NRG2: variants seen among roughly 807,000 people sequenced by gnomAD.
NRG2 encodes pro-neuregulin-2, membrane-bound isoform.
Under a neutral mutation model 73.9 loss-of-function variants are expected in NRG2, and 27 were observed. The observed-to-expected ratio is 0.37, with a 90% confidence interval of 0.27 to 0.50. NRG2 has a LOEUF of 0.50. Ranked by LOEUF, NRG2 falls within the 20% of genes least tolerant of loss-of-function variation. The pLI is 0.96. For missense variants in NRG2, 1,126 were observed against 1,210.1 expected, an observed-to-expected ratio of 0.93 and a Z score of 1.03; for synonymous variants, 532 against 541.0, an observed-to-expected ratio of 0.98 and a Z score of 0.23.
chr5:139,857,392 C>T (rs536841523), intron 5 of NRG2, among the ~76,000 whole-genome samples: 41 of 152,274 alleles, frequency 2.7e-4, no homozygotes, highest in Non-Finnish European at 3.2e-4. Flanking sequence ...GGCCCTCCAT[C>T]GAGTCTGCAC....
At chr5:139,858,300 C>T (rs1761932615) in intron 5 of NRG2, among the ~76,000 whole-genome samples, 1 of 152,166 alleles carries the variant, frequency 6.6e-6, no homozygotes, top group African/African-American at 2.4e-5. Context: ...TGCTGTGCCG[C>T]CCTCTGCAGG....
intron 1 of NRG2, among the ~76,000 whole-genome samples, chr5:139,920,847 A>G (rs1210137984): frequency 6.6e-6 from 1 of 152,242 alleles, no homozygotes; most frequent in Non-Finnish European, 1.5e-5. Flanking sequence ...CTTAACTACC[A>G]TCTTCTGAGG....
In NRG2 at chr5:140,012,241, G is replaced by A. The variant is rs369655488; in HGVS notation, c.700+30129C>T. Among the ~76,000 whole-genome samples the A allele has an allele frequency of 4.3e-3, 654 of 152,150 alleles. 6 individuals carry two copies. Among genetic ancestry groups the A allele is most frequent in the African/African-American group, 0.015 (613 of 41,470 alleles). Reference sequence around the variant, plus strand: ...CAGAAAGATTCTTCAATCCCAAGGCGGGGTTTAGGTATCCTTCACTTGTGC... The same window carrying A: ...CAGAAAGATTCTTCAATCCCAAGGCAGGGTTTAGGTATCCTTCACTTGTGC... On this transcript the variant is annotated intron_variant, in intron 1 of 9. Transcript: ENST00000361474.
In NRG2 at chr5:140,008,090, G is replaced by A. The variant is rs114437151; in HGVS notation, c.700+34280C>T. 0.014 allele frequency among the ~76,000 whole-genome samples: 2,072 copies of A among 152,320 alleles called. 46 individuals carry two copies. Among genetic ancestry groups the A allele is most frequent in the African/African-American group, 0.047 (1,968 of 41,574 alleles). On this transcript the variant is annotated intron_variant, in intron 1 of 9. Coordinates refer to ENST00000361474, the MANE Select transcript of NRG2 (RefSeq NM_004883.3). This position sits in a 1 kb window ranked among gnomAD's most constrained non-coding sequence, Gnocchi z 4.2. ...GTCATTTCACATGAGAACAGATGTG[G>A]GGAGCACCACACAGGAATGTGTTCC...
intron 1 of NRG2, among the ~76,000 whole-genome samples, chr5:139,959,180 T>G (rs1049262150): frequency 2.0e-5 from 3 of 148,184 alleles, no homozygotes; most frequent in African/African-American, 5.0e-5. Context: ...GACTTCCTTG[T>G]GTTTTGTTTG....
chr5:139,852,451 T>C lies in NRG2; in HGVS notation c.1525A>G (p.Thr509Ala). ...CSPSHHCSTATPTSSHRHESH... is the reference protein window; with the variant it reads ...CSPSHHCSTAAPTSSHRHESH... Reference sequence around the variant, plus strand: ...GCCTACCTGTGGCTGGAGGTGGGTGTGGCTGTGGAGCAGTGGTGAGAAGGA... The same window carrying C: ...GCCTACCTGTGGCTGGAGGTGGGTGCGGCTGTGGAGCAGTGGTGAGAAGGA... Residue 509 changes from threonine (T) to alanine (A), a missense_variant, in exon 8 of 10, where the codon ACA becomes GCA. Around this residue, in one of 3 missense-constraint regions of NRG2, gnomAD observed 539 missense variants for 703.2 expected, o/e 0.77. Coordinates refer to ENST00000361474, the MANE Select transcript of NRG2 (RefSeq NM_004883.3). The surrounding 1 kb of genome is among the most constrained non-coding windows in gnomAD (Gnocchi z 4.4). 2 of 1,613,736 alleles carry C rather than the reference T, an allele frequency of 1.2e-6. No individual in the cohort carries two copies. Among genetic ancestry groups the C allele is most frequent in the Non-Finnish European group, 1.7e-6 (2 of 1,179,906 alleles).
intron 1 of NRG2, among the ~76,000 whole-genome samples, chr5:139,940,715 TAGA>T (rs1181283534): frequency 6.6e-6 from 1 of 152,180 alleles, no homozygotes; most frequent in East Asian, 1.9e-4. Context: ...AGAATATCTC[TAGA>T]AGGATACCCA....
At position 139,848,479 on chromosome 5, in the gene NRG2, G is replaced by T. The variant is rs536701722; in HGVS notation, c.1991C>A (p.Pro664His). 2 of 1,339,316 alleles carry T rather than the reference G, an allele frequency of 1.5e-6. No individual in the cohort carries two copies. The highest frequency in any genetic ancestry group is 1.9e-6 in the Non-Finnish European group (2 of 1,060,174). The allele number at this position is 1,339,316 out of a possible 1,614,324, so 83.0% of individuals were successfully genotyped here. ...PGPGPGPGPG[P>H]GPGADMQRSY... ...GCGCTGCATGTCTGCGCCGGGCCCG[G>T]GCCCGGGCCCGGGTCCGGGTCCCGG... Residue 664 changes from proline to histidine, a missense_variant, in exon 10 of 10, where the codon CCC becomes CAC. This residue lies in a region of NRG2 where 402 missense variants were observed against 357.8 expected (regional missense o/e 1.12). Transcript: ENST00000361474.
chr5:139,861,374 C>T (rs184984769), intron 5 of NRG2, among the ~76,000 whole-genome samples: 141 of 152,338 alleles, frequency 9.3e-4, no homozygotes, highest in Non-Finnish European at 1.5e-3. Context: ...CATCCCTGGA[C>T]CTCTCATCTA....
intron 1 of NRG2, among the ~76,000 whole-genome samples, chr5:139,996,600 T>C (rs551424676): frequency 3.3e-5 from 5 of 152,298 alleles, no homozygotes; most frequent in South Asian, 2.1e-4. Flanking sequence ...CAAGAAGGCT[T>C]CTCTTAACCA....
intron 3 of NRG2, among the ~76,000 whole-genome samples, chr5:139,879,603 C>T (rs1763397933): frequency 1.3e-5 from 2 of 152,166 alleles, no homozygotes; most frequent in Admixed American, 1.3e-4. Context: ...CTGGAAAGAT[C>T]ATTTAGGCCA....
chr5:139,938,890 A>G (rs62383902), intron 1 of NRG2, among the ~76,000 whole-genome samples: 1,226 of 71,548 alleles, frequency 0.017, 7 homozygotes, highest in South Asian at 0.069. Flanking sequence ...GAAGGAAAGA[A>G]AGAAAGAAAG....
rs1372427414 is a variant in NRG2 at position 139,915,910 on chromosome 5, T to C, written c.701-28399A>G. Among the ~76,000 whole-genome samples, 1 of 152,084 alleles carries C rather than the reference T, an allele frequency of 6.6e-6. No individual in the cohort carries two copies. Among genetic ancestry groups the C allele is most frequent in the Non-Finnish European group, 1.5e-5 (1 of 68,020 alleles). ...GATGAATATTACATTTTGACTGACA[T>C]GTAGGAAGTCATGGAGATAAGGCTA... is the stretch of plus-strand genomic sequence containing the variant. On this transcript the variant is annotated intron_variant, in intron 1 of 9. Transcript: ENST00000361474. The surrounding 1 kb of genome is among the most constrained non-coding windows in gnomAD (Gnocchi z 4.0).
At chr5:140,039,975 A>G (rs1411178887) in intron 1 of NRG2, among the ~76,000 whole-genome samples, 1 of 152,224 alleles carries the variant, frequency 6.6e-6, no homozygotes, top group African/African-American at 2.4e-5. Context: ...TGCTAAGCAC[A>G]AGGACAGTGT....
At chr5:140,003,552 T>G (rs539649763) in intron 1 of NRG2, among the ~76,000 whole-genome samples, 1 of 152,216 alleles carries the variant, frequency 6.6e-6, no homozygotes, top group South Asian at 2.1e-4. Context: ...AGAAAACAAA[T>G]TCTCCCATAG....
At chr5:139,921,764 T>C (rs574967605) in intron 1 of NRG2, among the ~76,000 whole-genome samples, 4 of 152,204 alleles carry the variant, frequency 2.6e-5, no homozygotes, top group Non-Finnish European at 5.9e-5. Context: ...CTGAACTTCA[T>C]TGAAATTAAA....
At chr5:139,905,905 G>A (rs1765195366) in intron 1 of NRG2, among the ~76,000 whole-genome samples, 1 of 152,098 alleles carries the variant, frequency 6.6e-6, no homozygotes, top group Non-Finnish European at 1.5e-5. Context: ...TTGGGGTACT[G>A]CCTTGGTTCA....
intron 1 of NRG2, among the ~76,000 whole-genome samples, chr5:140,020,603 G>C (rs1342042756): frequency 1.3e-5 from 2 of 152,216 alleles, no homozygotes; most frequent in African/African-American, 4.8e-5. Flanking sequence ...CCAGAGATCT[G>C]TGCAATGAGA....
intron 1 of NRG2, among the ~76,000 whole-genome samples, chr5:139,917,673 T>A (rs968780975): frequency 6.6e-6 from 1 of 152,250 alleles, no homozygotes; most frequent in South Asian, 2.1e-4. Flanking sequence ...TGACTCATTT[T>A]TTCCCCAGTT....
Sources: allele counts gnomAD v4.1 joint callset (sites outside exome capture counted in the v4.1 genomes callset), GRCh38; gene constraint gnomAD v4.1.1; regional missense constraint gnomAD v4.1.1; non-coding constraint Gnocchi (gnomAD v3.1); transcripts MANE v1.5; gene names NCBI Gene and HGNC (gene_info 2026-07-23, HGNC 2026-07-21).